Variants in PVT1 observed in about 807,000 individuals in gnomAD.
The protein encoded by PVT1 is Pvt1 oncogene.
intron 2 of PVT1, among the ~76,000 whole-genome samples, chr8:127,804,538 AT>A (rs35404021): frequency 0.022 from 2,422 of 112,648 alleles, 14 homozygotes; most frequent in African/African-American, 0.038. Flanking sequence ...TTGCATCCTG[AT>A]TTTTTTTTTT....
rs940972380 is a variant in PVT1, at chr8:128,037,293, G to A, written n.913-32867G>A. On this transcript the variant is annotated intron_variant and non_coding_transcript_variant, in intron 4 of 10. Coordinates refer to ENST00000651587, the Ensembl canonical transcript of PVT1. ...ACATACGCCCATTTGTTTTCATTTT[G>A]CATGTATGTTCAGAGGGGAGTAATC... Among the ~76,000 whole-genome samples the A allele has an allele frequency of 3.9e-5, 6 of 152,348 alleles. No homozygotes were observed. In the South Asian group the frequency reaches 6.2e-4, roughly 16 times the overall value.
At chr8:128,083,627 G>A (rs1259924602) in intron 5 of PVT1, among the ~76,000 whole-genome samples, 1 of 152,196 alleles carries the variant, frequency 6.6e-6, no homozygotes, top group Non-Finnish European at 1.5e-5. Context: ...CGCCTTTGAA[G>A]GCTCTAGACT....
intron 3 of PVT1, among the ~76,000 whole-genome samples, chr8:127,911,219 C>T (rs112503733): frequency 0.017 from 2,662 of 152,304 alleles, 96 homozygotes; most frequent in African/African-American, 0.061. Flanking sequence ...TCGGGCTCCT[C>T]TTATAGAGCC....
chr8:127,931,696 C>T (rs1041553433), intron 3 of PVT1, among the ~76,000 whole-genome samples: 10 of 152,236 alleles, frequency 6.6e-5, no homozygotes, highest in African/African-American at 1.2e-4. Context: ...TGCCACCCAA[C>T]GGATGGGAGC....
At position 127,898,701 on chromosome 8, in the gene PVT1, T is replaced by TA. The variant is rs772577933; in HGVS notation, n.782+7704dup. Among the ~76,000 whole-genome samples the TA allele has an allele frequency of 3.0e-4, 45 of 152,150 alleles. No homozygotes were observed. Among genetic ancestry groups the TA allele is most frequent in the Non-Finnish European group, 5.7e-4 (39 of 68,030 alleles). On this transcript the variant is annotated intron_variant and non_coding_transcript_variant, in intron 3 of 10. Transcript: ENST00000651587. This position sits in a 1 kb window ranked among gnomAD's most constrained non-coding sequence, Gnocchi z 4.4. The stretch of plus-strand genomic sequence containing the variant: ...CCTCTCACCTTCCCAGGAGGCAGAT[T>TA]ATTTCCCTGTGGTGGGGGTGAGGCG...
chr8:127,908,239 C>T (rs1191169583), intron 3 of PVT1, among the ~76,000 whole-genome samples: 1 of 152,060 alleles, frequency 6.6e-6, no homozygotes, highest in Non-Finnish European at 1.5e-5. Context: ...TGTATTTTCA[C>T]GTTGGTCGGC....
chr8:127,887,724 A>C (rs1815541670), intron 2 of PVT1, among the ~76,000 whole-genome samples: 1 of 151,882 alleles, frequency 6.6e-6, no homozygotes, highest in Non-Finnish European at 1.5e-5. Context: ...ACGGGGTTTC[A>C]CCACGTTGGC....
chr8:127,881,609 A>G (rs1815468530), intron 2 of PVT1, among the ~76,000 whole-genome samples: 1 of 151,438 alleles, frequency 6.6e-6, no homozygotes, highest in African/African-American at 2.4e-5. Context: ...GGTGCCCGCC[A>G]CCACACTCAG....
At chr8:128,044,869 G>C (rs189372700) in intron 4 of PVT1, among the ~76,000 whole-genome samples, 7 of 152,296 alleles carry the variant, frequency 4.6e-5, no homozygotes, top group African/African-American at 1.4e-4. Context: ...TGAGGGTGCG[G>C]AGTGAGCCTT....
intron 2 of PVT1, among the ~76,000 whole-genome samples, chr8:127,843,891 G>T (rs1284163765): frequency 6.6e-6 from 1 of 152,050 alleles, no homozygotes. Context: ...GCCTTCCAAA[G>T]CTGCTAAGTC....
intron 3 of PVT1, among the ~76,000 whole-genome samples, chr8:127,951,470 C>T (rs774649080): frequency 3.3e-5 from 5 of 152,106 alleles, no homozygotes; most frequent in Middle Eastern, 3.2e-3. Context: ...AGGAAGACAG[C>T]GTCACAGCAT....
At chr8:127,899,008 TAGCTTG>T (rs2129820817) in intron 3 of PVT1, among the ~76,000 whole-genome samples, 1 of 152,202 alleles carries the variant, frequency 6.6e-6, no homozygotes, top group African/African-American at 2.4e-5. Flanking sequence ...AGTCACTCAG[TAGCTTG>T]GGACTGGGTT....
intron 6 of PVT1, among the ~76,000 whole-genome samples, chr8:128,100,320 A>G (rs775161923): frequency 2.6e-5 from 4 of 152,206 alleles, no homozygotes; most frequent in Non-Finnish European, 5.9e-5. Context: ...AAGAGAAACC[A>G]GGTCTCTGCT....
intron 4 of PVT1, among the ~76,000 whole-genome samples, chr8:128,066,382 C>T (rs77381095): frequency 0.011 from 1,607 of 152,300 alleles, 11 homozygotes; most frequent in South Asian, 0.02. Flanking sequence ...TTGGCCTGGT[C>T]TGGATGATGC....
At chr8:127,855,909 C>T (rs1046708907) in intron 2 of PVT1, among the ~76,000 whole-genome samples, 5 of 152,230 alleles carry the variant, frequency 3.3e-5, no homozygotes, top group Admixed American at 2.0e-4. Flanking sequence ...CCACAAGCAG[C>T]GTCCCCTGGT....
intron 3 of PVT1, among the ~76,000 whole-genome samples, chr8:127,973,283 G>A (rs1215990652): frequency 6.6e-6 from 1 of 152,150 alleles, no homozygotes; most frequent in Non-Finnish European, 1.5e-5. Context: ...ACGAATCAAT[G>A]ACAGGGGTAC....
intron 2 of PVT1, among the ~76,000 whole-genome samples, chr8:127,881,080 G>A (rs942433943): frequency 9.9e-5 from 15 of 152,222 alleles, no homozygotes; most frequent in Non-Finnish European, 1.6e-4. Context: ...CTGGTAGAAG[G>A]CTGGTTCTAT....
At chr8:128,013,948 C>G (rs1015715743) in intron 4 of PVT1, among the ~76,000 whole-genome samples, 2 of 152,140 alleles carry the variant, frequency 1.3e-5, no homozygotes, top group Non-Finnish European at 2.9e-5. Context: ...CACAAAAGAC[C>G]TTTACAGAAA....
At chr8:128,002,721 C>T (rs1817194857) in intron 4 of PVT1, among the ~76,000 whole-genome samples, 1 of 152,158 alleles carries the variant, frequency 6.6e-6, no homozygotes, top group African/African-American at 2.4e-5. Flanking sequence ...CCAGCATGAC[C>T]TCATCATAAC....
Sources: allele counts gnomAD v4.1 joint callset (sites outside exome capture counted in the v4.1 genomes callset), GRCh38; gene constraint gnomAD v4.1.1; non-coding constraint Gnocchi (gnomAD v3.1); transcripts MANE v1.5; gene names NCBI Gene and HGNC (gene_info 2026-07-23, HGNC 2026-07-21).